The following CSGALNACT1 variants were observed in gnomAD, a reference collection of about 807,000 sequenced individuals.
The protein encoded by CSGALNACT1 is chondroitin sulfate N-acetylgalactosaminyltransferase 1.
Under a neutral mutation model 51.0 loss-of-function variants are expected in CSGALNACT1, and 52 were observed. The observed-to-expected ratio is 1.02, with a 90% CI of 0.82 to 1.29. The LOEUF (loss-of-function observed/expected upper bound fraction) is 1.29. Ranked by LOEUF, CSGALNACT1 falls within the 50% of genes most tolerant of loss-of-function variation. The pLI, the probability that CSGALNACT1 is intolerant of heterozygous loss-of-function variation, is 0.00. For synonymous variants in CSGALNACT1, 341 were observed against 254.4 expected (o/e 1.34, Z -3.24); for missense variants, 935 against 679.2 (o/e 1.38, Z -4.19).
intron 3 of CSGALNACT1, among the ~76,000 whole-genome samples, chr8:19,589,241 A>G (rs1313237604): frequency 1.3e-5 from 2 of 152,226 alleles, no homozygotes; most frequent in Non-Finnish European, 2.9e-5. Flanking sequence ...TGAAAACGTC[A>G]GACTAGGTAA....
intron 1 of CSGALNACT1, among the ~76,000 whole-genome samples, chr8:19,649,819 C>CAGAAAAAAAAA (rs2057622171): frequency 3.4e-5 from 1 of 29,398 alleles, no homozygotes; most frequent in Non-Finnish European, 5.8e-5. Flanking sequence ...TTCCAAGTAG[C>CAGAAAAAAAAA]AAAAAAAAAA....
At chr8:19,532,916 C>A (rs2083052811) in intron 3 of CSGALNACT1, among the ~76,000 whole-genome samples, 1 of 152,110 alleles carries the variant, frequency 6.6e-6, no homozygotes, top group Admixed American at 6.5e-5. Context: ...TATTTTCCAA[C>A]TGCCATACAT....
upstream of CSGALNACT1, among the ~76,000 whole-genome samples, chr8:19,603,283 A>G (rs570798838): frequency 6.6e-6 from 1 of 152,296 alleles, no homozygotes; most frequent in East Asian, 1.9e-4. Flanking sequence ...ACTGACATGA[A>G]CAAAGTCAGC....
intron 1 of CSGALNACT1, among the ~76,000 whole-genome samples, chr8:19,645,350 A>T (rs1253553107): frequency 6.6e-6 from 1 of 152,224 alleles, no homozygotes; most frequent in African/African-American, 2.4e-5. Flanking sequence ...TGTCCAACTG[A>T]AGATAACAAA....
chr8:19,662,029 G>A (rs901150882), intron 1 of CSGALNACT1, among the ~76,000 whole-genome samples: 5 of 130,542 alleles, frequency 3.8e-5, no homozygotes, highest in Non-Finnish European at 6.4e-5. Context: ...ATCCCTACCA[G>A]CAGCAACCCC....
intron 1 of CSGALNACT1, among the ~76,000 whole-genome samples, chr8:19,754,647 CACTTT>C (rs2065244680): frequency 6.6e-6 from 1 of 152,192 alleles, no homozygotes; most frequent in African/African-American, 2.4e-5. Flanking sequence ...CATTTAAGAC[CACTTT>C]AATTTATTTT....
Position 19,487,279 on chromosome 8 carries a change from A to T in CSGALNACT1, c.634+17922T>A, listed in dbSNP as rs558674440. On this transcript the variant is annotated intron_variant, in intron 4 of 9. Transcript: ENST00000454498. ...CAATTTCACTCCCACCAACACCCAA[A>T]TGAGAACATTTCACCTCCCAACAGC... Among the ~76,000 whole-genome samples, 27 of 152,322 alleles carry T rather than the reference A, an allele frequency of 1.8e-4. 2 individuals are homozygous for T. In the South Asian group the frequency reaches 5.6e-3, roughly 32 times the overall value.
chr8:19,625,543 G>A (rs887986475), intron 1 of CSGALNACT1, among the ~76,000 whole-genome samples: 1 of 152,128 alleles, frequency 6.6e-6, no homozygotes, highest in Non-Finnish European at 1.5e-5. Context: ...AGTAATTTGA[G>A]GTGCCTGAGC....
chr8:19,646,683 T>G (rs887032810), intron 1 of CSGALNACT1, among the ~76,000 whole-genome samples: 1 of 152,184 alleles, frequency 6.6e-6, no homozygotes, highest in Non-Finnish European at 1.5e-5. Context: ...CACATGTTAT[T>G]AATACTTAAA....
At chr8:19,562,933 T>C (rs919235856) in intron 3 of CSGALNACT1, among the ~76,000 whole-genome samples, 4 of 152,234 alleles carry the variant, frequency 2.6e-5, no homozygotes, top group African/African-American at 7.2e-5. Context: ...ACTGGGTATA[T>C]ACCCAAGGAA....
At chr8:19,469,896 A>T (rs563224495) in intron 4 of CSGALNACT1, among the ~76,000 whole-genome samples, 13 of 152,266 alleles carry the variant, frequency 8.5e-5, no homozygotes, top group Non-Finnish European at 1.9e-4. Flanking sequence ...CTGCAACCCT[A>T]ATGAATATTT....
At chr8:19,681,399 C>T (rs929996858) in intron 1 of CSGALNACT1, among the ~76,000 whole-genome samples, 7 of 152,092 alleles carry the variant, frequency 4.6e-5, no homozygotes, top group South Asian at 2.1e-4. Flanking sequence ...CTGTCCTTCG[C>T]GCCCCCATCC....
intron 1 of CSGALNACT1, among the ~76,000 whole-genome samples, chr8:19,650,742 G>T (rs779885496): frequency 6.6e-5 from 10 of 152,064 alleles, no homozygotes; most frequent in Non-Finnish European, 1.2e-4. Context: ...AAACAAAACC[G>T]GTTCATTTCT....
chr8:19,416,109 C>CTTTTTTT (rs34491658), intron 8 of CSGALNACT1, among the ~76,000 whole-genome samples: 11 of 116,716 alleles, frequency 9.4e-5, no homozygotes, highest in Non-Finnish European at 1.5e-4. Context: ...GAAATGAAAA[C>CTTTTTTT]TTTTTTTTTT....
chr8:19,494,350 G>C (rs1232777815), intron 4 of CSGALNACT1, among the ~76,000 whole-genome samples: 1 of 152,118 alleles, frequency 6.6e-6, no homozygotes, highest in Non-Finnish European at 1.5e-5. Flanking sequence ...TACACATCTT[G>C]CAAAACATGC....
intron 1 of CSGALNACT1, among the ~76,000 whole-genome samples, chr8:19,626,011 A>G (rs183138708): frequency 6.6e-6 from 1 of 152,364 alleles, no homozygotes; most frequent in Admixed American, 6.5e-5. Flanking sequence ...TGAAGAAAGT[A>G]TTAACATTTA....
At chr8:19,599,737 G>T (rs1031624689) in intron 2 of CSGALNACT1, among the ~76,000 whole-genome samples, 1 of 152,164 alleles carries the variant, frequency 6.6e-6, no homozygotes, top group Non-Finnish European at 1.5e-5. Context: ...GGGGAACCTG[G>T]GAAGCCCTTG....
At chr8:19,404,864 G>A (rs1227266958) in exon 10 of CSGALNACT1, 2 of 454,406 alleles carry the variant, frequency 4.4e-6, no homozygotes, top group East Asian at 1.4e-4. Flanking sequence ...GTGTTCAGTT[G>A]CTCCTCTTCG....
At chr8:19,426,431 G>A (rs541354972) in intron 6 of CSGALNACT1, among the ~76,000 whole-genome samples, 1 of 152,340 alleles carries the variant, frequency 6.6e-6, no homozygotes, top group African/African-American at 2.4e-5. Flanking sequence ...GTTCAAAGTT[G>A]AAGTTACTCA....
Sources: allele counts gnomAD v4.1 joint callset (sites outside exome capture counted in the v4.1 genomes callset), GRCh38; gene constraint gnomAD v4.1.1; transcripts MANE v1.5; gene names NCBI Gene and HGNC (gene_info 2026-07-23, HGNC 2026-07-21).